Variants in INTU observed in about 807,000 individuals in gnomAD.
INTU encodes protein inturned.
A neutral mutation model predicts 100.5 loss-of-function variants in INTU; 68 were observed. That is an observed-to-expected ratio of 0.68 (90% CI 0.56 to 0.83). The LOEUF is 0.83. INTU is among the 40% of genes least tolerant of loss of function. INTU has a pLI of 0.00. For synonymous variants in INTU, 357 were observed against 395.7 expected (o/e 0.90, Z 1.16); for missense variants, 1,071 against 1,114.7 (o/e 0.96, Z 0.56).
At chr4:127,665,077 A>G (rs996096748) in intron 4 of INTU, among the ~76,000 whole-genome samples, 1 of 151,668 alleles carries the variant, frequency 6.6e-6, no homozygotes, top group Non-Finnish European at 1.5e-5. Flanking sequence ...AGCCCTTAAT[A>G]CACCTTAGTT....
intron 5 of INTU, among the ~76,000 whole-genome samples, chr4:127,673,502 GA>G (rs202115590): frequency 1.4e-5 from 2 of 147,124 alleles, no homozygotes; most frequent in Admixed American, 6.7e-5. Flanking sequence ...CTTTCTTTTG[GA>G]AAAAAAAATT....
chr4:127,635,458 A>G (rs752819739), intron 1 of INTU, among the ~76,000 whole-genome samples: 7 of 152,184 alleles, frequency 4.6e-5, no homozygotes, highest in Admixed American at 1.3e-4. Context: ...GAGTTTGTCA[A>G]TGTTGTGACT....
At chr4:127,634,007 C>T (rs1385866509) in intron 1 of INTU, among the ~76,000 whole-genome samples, 1 of 152,132 alleles carries the variant, frequency 6.6e-6, no homozygotes, top group Non-Finnish European at 1.5e-5. Context: ...GACAACCATA[C>T]CTGGTCAGTT....
At chr4:127,703,117 T>A (rs1730720878) in intron 9 of INTU, among the ~76,000 whole-genome samples, 1 of 152,204 alleles carries the variant, frequency 6.6e-6, no homozygotes, top group African/African-American at 2.4e-5. Flanking sequence ...TGGCTTTAAC[T>A]TAGCATAAAT....
chr4:127,678,534 C>T (rs904651922), intron 6 of INTU, among the ~76,000 whole-genome samples: 4 of 152,042 alleles, frequency 2.6e-5, no homozygotes, highest in African/African-American at 7.2e-5. Context: ...TAAAATACTT[C>T]ACAGACAAGC....
chr4:127,703,741 T>G (rs1730753070), intron 9 of INTU, among the ~76,000 whole-genome samples: 1 of 152,178 alleles, frequency 6.6e-6, no homozygotes, highest in Non-Finnish European at 1.5e-5. Context: ...ACTGTTAACT[T>G]TTTATATAAA....
At chr4:127,635,494 T>A (rs887014585) in intron 1 of INTU, among the ~76,000 whole-genome samples, 4 of 152,198 alleles carry the variant, frequency 2.6e-5, no homozygotes, top group Non-Finnish European at 4.4e-5. Flanking sequence ...TCAAAGTGAA[T>A]TTTTTGTTGT....
Position 127,669,122 on chromosome 4 carries a change from G to A in INTU, c.1059G>A (p.Met353Ile). 1 of 1,536,508 alleles carries A rather than the reference G, an allele frequency of 6.5e-7. No homozygotes were observed. Among genetic ancestry groups the A allele is most frequent in the South Asian group, 1.2e-5 (1 of 80,662 alleles). The change falls in exon 5 of 16, where the codon ATG becomes ATA. Residue 353 changes from methionine (M) to isoleucine (I), a missense_variant. Physicochemically the swap from Met to Ile is conservative, Grantham distance 10. Coordinates refer to ENST00000335251, the MANE Select transcript of INTU (RefSeq NM_015693.4). Reference protein sequence around the residue: ...VRGIFLTLCDMLENVTGTQVT... With the variant: ...VRGIFLTLCDILENVTGTQVT... ...GGATTTTTCTCACACTCTGTGACAT[G>A]CTGGAAAACGTAACTGGGACACAAG...
At chr4:127,634,691 C>T (rs2126168348) in intron 1 of INTU, among the ~76,000 whole-genome samples, 1 of 152,200 alleles carries the variant, frequency 6.6e-6, no homozygotes, top group South Asian at 2.1e-4. Flanking sequence ...TCTTTATCCT[C>T]CTAATAATAA....
chr4:127,687,579 A>C, intron 7 of INTU, 99 bp from the exon 8 acceptor site: 1 of 819,796 alleles, frequency 1.2e-6, no homozygotes, highest in Non-Finnish European at 2.0e-6. Context: ...TGAGGAAGAT[A>C]GCCTATGTAG....
chr4:127,687,694 G>T lies in INTU; in HGVS notation c.1276G>T (p.Glu426Ter). 1 of 1,610,962 alleles carries T rather than the reference G, an allele frequency of 6.2e-7. No homozygotes were observed. Among genetic ancestry groups the T allele is most frequent in the South Asian group, 1.1e-5 (1 of 90,784 alleles). The change falls in exon 8 of 16, where the codon GAG becomes TAG. Residue 426 changes from glutamate to a stop codon, truncating the protein, a stop_gained. Coordinates refer to ENST00000335251, the MANE Select transcript of INTU (RefSeq NM_015693.4). LOFTEE classifies it high-confidence loss of function. ...TTTCTCCAGTGCCTTTTGCCAGATTGAGAATGTTCCTCGTTTGGATCATTT... is the reference window on the plus strand; with the variant it reads ...TTTCTCCAGTGCCTTTTGCCAGATTTAGAATGTTCCTCGTTTGGATCATTT... ...GSLDSAFCQI[E>*]NVPRLDHFFN...
chr4:127,690,082 C>T (rs927506860), intron 8 of INTU, among the ~76,000 whole-genome samples: 2 of 152,122 alleles, frequency 1.3e-5, no homozygotes, highest in African/African-American at 4.8e-5. Context: ...GTTTTAGGGG[C>T]AGTGTGTTTA....
intron 3 of INTU, 118 bp from the exon 4 acceptor site, chr4:127,663,263 G>C: frequency 1.5e-6 from 1 of 688,914 alleles, no homozygotes; most frequent in South Asian, 1.9e-5. Flanking sequence ...CTCACTCTAG[G>C]ATGATTTATA....
At position 127,678,589 on chromosome 4, in the gene INTU, C is replaced by T. The variant is rs867049620; in HGVS notation, c.1181+4376C>T. ...CACCACCAGGCCTGCCCTAAAAGAGCTCCTGAAGGAAGCACTAAACATGGA... is the reference window on the plus strand; with the variant it reads ...CACCACCAGGCCTGCCCTAAAAGAGTTCCTGAAGGAAGCACTAAACATGGA... On this transcript the variant is annotated intron_variant, in intron 6 of 15. Coordinates refer to ENST00000335251, the MANE Select transcript of INTU (RefSeq NM_015693.4). 9.3e-4 allele frequency among the ~76,000 whole-genome samples: 142 copies of T among 152,292 alleles called. 1 individual carries two copies. Among genetic ancestry groups the T allele is most frequent in the African/African-American group, 3.3e-3 (136 of 41,554 alleles).
chr4:127,677,281 A>G (rs1729257667), intron 6 of INTU, among the ~76,000 whole-genome samples: 1 of 152,140 alleles, frequency 6.6e-6, no homozygotes. Context: ...AGATCTGAGA[A>G]TGGGCAGACT....
At chr4:127,645,278 T>A (rs893075818) in intron 2 of INTU, among the ~76,000 whole-genome samples, 3 of 152,202 alleles carry the variant, frequency 2.0e-5, no homozygotes, top group African/African-American at 7.2e-5. Flanking sequence ...TAAAAGGTGA[T>A]GCAGCTTCTG....
rs1158265281 is a variant in INTU, at chr4:127,725,977, A to G, written c.*9541A>G. ...TGCAGATATCCTAGAAATATGCTTTAGAAGACATAGAAACGTTGTTAAATT... is the reference window on the plus strand; with the variant it reads ...TGCAGATATCCTAGAAATATGCTTTGGAAGACATAGAAACGTTGTTAAATT... On this transcript the variant is annotated 3_prime_UTR_variant, in exon 16 of 16. Coordinates refer to ENST00000335251, the MANE Select transcript of INTU (RefSeq NM_015693.4). The G allele has an allele frequency of 6.6e-6, 1 of 152,224 alleles. No individual in the cohort carries two copies. Among genetic ancestry groups the G allele is most frequent in the Non-Finnish European group, 1.5e-5 (1 of 68,030 alleles). The allele number at this position is 152,224 out of a possible 1,614,324, so 9.4% of individuals were successfully genotyped here.
chr4:127,641,151 C>A (rs73847025), intron 1 of INTU, among the ~76,000 whole-genome samples: 2,846 of 152,206 alleles, frequency 0.019, 88 homozygotes, highest in African/African-American at 0.064. Flanking sequence ...GAAACAGCCC[C>A]CTGACTAGCC....
At chr4:127,633,593 T>C (rs907735397) in intron 1 of INTU, among the ~76,000 whole-genome samples, 5 of 152,128 alleles carry the variant, frequency 3.3e-5, no homozygotes, top group African/African-American at 1.2e-4. Context: ...CTACGCGTTT[T>C]ATAAGGCAGT....
Sources: gnomAD v4.1 joint callset for allele counts (sites outside exome capture counted in the v4.1 genomes callset) on GRCh38, gnomAD v4.1.1 for gene constraint, MANE v1.5 for transcripts, NCBI Gene and HGNC (gene_info 2026-07-23, HGNC 2026-07-21) for gene names.